The following BICRAL variants were observed in gnomAD, a reference collection of about 807,000 sequenced individuals.
BICRAL encodes the protein BICRA like chromatin remodeling complex associated protein, also known as BRD4-interacting chromatin-remodeling complex-associated protein-like.
BICRAL carries 8 observed loss-of-function variants against 91.8 expected under a neutral mutation model. The observed-to-expected ratio is 0.09, with a 90% CI of 0.05 to 0.16. The LOEUF is 0.16. Among genes scored for constraint, BICRAL ranks in the 10% least tolerant of loss-of-function variants. BICRAL has a pLI of 1.00. For synonymous variants in BICRAL, 445 were observed against 491.1 expected (o/e 0.91, Z 1.24); for missense variants, 1,038 against 1,310.9 (o/e 0.79, Z 3.21).
upstream of BICRAL, among the ~76,000 whole-genome samples, chr6:42,746,715 C>T (rs1241368846): frequency 2.0e-5 from 3 of 151,284 alleles, no homozygotes; most frequent in African/African-American, 7.3e-5. Flanking sequence ...ATCCTTACCG[C>T]CCCCCTCCCC....
intron 2 of BICRAL, among the ~76,000 whole-genome samples, chr6:42,814,385 A>G (rs1321331986): frequency 1.8e-4 from 26 of 146,018 alleles, no homozygotes; most frequent in African/African-American, 6.5e-4. Flanking sequence ...GTATATATAT[A>G]AATTATATAT....
chr6:42,848,764 C>T (rs1225590350), intron 6 of BICRAL, among the ~76,000 whole-genome samples: 1 of 152,154 alleles, frequency 6.6e-6, no homozygotes, highest in African/African-American at 2.4e-5. Context: ...TCCCTTGAGC[C>T]CAGGATGCAG....
intron 2 of BICRAL, among the ~76,000 whole-genome samples, chr6:42,820,351 T>TA (rs1764104219): frequency 6.6e-6 from 1 of 152,222 alleles, no homozygotes; most frequent in Non-Finnish European, 1.5e-5. Context: ...GCGGTCATGT[T>TA]AAAAAAGTAA....
chr6:42,750,213 T>C (rs1762354689), intron 1 of BICRAL, among the ~76,000 whole-genome samples: 1 of 151,844 alleles, frequency 6.6e-6, no homozygotes, highest in Non-Finnish European at 1.5e-5. Flanking sequence ...TAGGCTAAAG[T>C]GCAGTGGTGC....
chr6:42,782,508 G>T (rs1450794258), intron 1 of BICRAL, among the ~76,000 whole-genome samples: 1 of 150,604 alleles, frequency 6.6e-6, no homozygotes. Flanking sequence ...AGGGGGCGGC[G>T]AGGCCGGGCC....
At chr6:42,773,270 G>T (rs545641341) in intron 1 of BICRAL, among the ~76,000 whole-genome samples, 11 of 152,016 alleles carry the variant, frequency 7.2e-5, no homozygotes, top group Non-Finnish European at 1.5e-4. Context: ...TAGAGACAAG[G>T]TTTCGCCATT....
chr6:42,797,334 C>G (rs1763443464), intron 1 of BICRAL, among the ~76,000 whole-genome samples: 1 of 151,922 alleles, frequency 6.6e-6, no homozygotes, highest in Admixed American at 6.6e-5. Context: ...ACCTTGCGAT[C>G]AGTTTGTGAA....
Position 42,866,825 on chromosome 6 carries a change from C to T in BICRAL, c.*1379C>T, listed in dbSNP as rs1274306690. The stretch of plus-strand genomic sequence containing the variant: ...ATACCTGCCCCAGGTTATCCCATTT[C>T]TGTTGTTACCTTTATTCTTAATGTC... On this transcript the variant is annotated 3_prime_UTR_variant, in exon 13 of 13. Transcript: ENST00000314073. The T allele has an allele frequency of 8.8e-6, 4 of 456,448 alleles. No individual in the cohort carries two copies. Among genetic ancestry groups the T allele is most frequent in the South Asian group, 6.2e-5 (4 of 64,570 alleles). The allele number at this position is 456,448 out of a possible 1,614,324, so 28.3% of individuals were successfully genotyped here.
At position 42,787,689 on chromosome 6, in the gene BICRAL, G is replaced by C. The variant is rs138977533; in HGVS notation, c.-102+5588G>C. Among the ~76,000 whole-genome samples, 719 of 152,304 alleles carry C rather than the reference G, an allele frequency of 4.7e-3. 3 individuals carry two copies. The highest frequency in any genetic ancestry group is 0.017 in the Middle Eastern group (5 of 294). ...ATGCTGCTGAGAAGTTACACAATGA[G>C]AATAGAGAAATGTCTATTTGGATTT... is the stretch of plus-strand genomic sequence containing the variant. On this transcript the variant is annotated intron_variant, in intron 1 of 12. Transcript: ENST00000314073.
intron 1 of BICRAL, among the ~76,000 whole-genome samples, chr6:42,783,272 G>A (rs938572518): frequency 1.6e-4 from 25 of 151,986 alleles, no homozygotes; most frequent in Non-Finnish European, 2.9e-4. Context: ...CCGCGCGGAG[G>A]ACCGGCGGCC....
In BICRAL at chr6:42,828,995, A is replaced by G. The variant is rs1764386813; in HGVS notation, c.662A>G (p.Asn221Ser). 6.2e-7 allele frequency: 1 copy of G among 1,613,586 alleles called. No individual in the cohort carries two copies. The highest frequency in any genetic ancestry group is 1.3e-5 in the African/African-American group (1 of 74,892). ...GQIQLIGSFG[N>S]HPSMMTINNL... ...ATACAGTTAATTGGGTCATTTGGTAATCATCCTTCCATGATGACTATTAAT... is the reference window on the plus strand; with the variant it reads ...ATACAGTTAATTGGGTCATTTGGTAGTCATCCTTCCATGATGACTATTAAT... The change falls in exon 6 of 13, where the codon AAT (asparagine) becomes AGT (serine). Residue 221 changes from asparagine to serine, a missense_variant. By Grantham distance (46) the Asn-to-Ser change is conservative (BLOSUM62 1). Transcript: ENST00000314073.
chr6:42,868,516 A>AT lies in BICRAL; in HGVS notation c.*3072dup, dbSNP rs1765775703. The stretch of plus-strand genomic sequence containing the variant: ...GGAAATGTTTAGTTGGAGATTACAA[A>AT]TTGAAACAACCATTGCAATACAGCC... On this transcript the variant is annotated 3_prime_UTR_variant, in exon 13 of 13. Coordinates refer to ENST00000314073, the MANE Select transcript of BICRAL (RefSeq NM_001393499.1). 1 of 152,764 alleles carries AT rather than the reference A, an allele frequency of 6.5e-6. No individual in the cohort carries two copies. The highest frequency in any genetic ancestry group is 2.1e-4 in the South Asian group (1 of 4,834). 9.5% of individuals were successfully genotyped at this position (152,764 alleles called of 1,614,324 possible). A position where few individuals can be genotyped will look rare whatever the true frequency, so the allele number is the denominator to read the frequency against.
intron 5 of BICRAL, among the ~76,000 whole-genome samples, chr6:42,827,532 A>G (rs1339787890): frequency 2.0e-5 from 3 of 152,236 alleles, no homozygotes; most frequent in African/African-American, 7.2e-5. Flanking sequence ...GCTTCATTCA[A>G]TATGTATTTA....
chr6:42,751,834 T>G (rs904413396), intron 1 of BICRAL, among the ~76,000 whole-genome samples: 1 of 151,990 alleles, frequency 6.6e-6, no homozygotes, highest in South Asian at 2.1e-4. Flanking sequence ...ATTTTGTATT[T>G]TTAGTAGAGA....
At chr6:42,855,990 A>G (rs894266871) in intron 9 of BICRAL, 73 bp downstream of exon 9, 1 of 1,170,902 alleles carries the variant, frequency 8.5e-7, no homozygotes, top group Non-Finnish European at 1.3e-6. Flanking sequence ...TAAATATACC[A>G]CAGAAAACAG....
chr6:42,810,691 A>G (rs1026338172), intron 2 of BICRAL, among the ~76,000 whole-genome samples: 4 of 152,228 alleles, frequency 2.6e-5, no homozygotes, highest in African/African-American at 7.2e-5. Flanking sequence ...GTTCTACAAA[A>G]TGTGAAGGAT....
intron 1 of BICRAL, among the ~76,000 whole-genome samples, chr6:42,799,093 C>G (rs6937958): frequency 0.47 from 71,912 of 151,926 alleles, 18,664 homozygotes; most frequent in African/African-American, 0.69. Flanking sequence ...ATGTATTAGA[C>G]ACAAGGTCTC....
intron 6 of BICRAL, among the ~76,000 whole-genome samples, chr6:42,839,987 T>G (rs923284463): frequency 6.6e-6 from 1 of 152,192 alleles, no homozygotes; most frequent in African/African-American, 2.4e-5. Flanking sequence ...TGTAAGTGGA[T>G]TAAAATTCAA....
chr6:42,842,775 T>G (rs971228721), intron 6 of BICRAL, among the ~76,000 whole-genome samples: 1 of 152,188 alleles, frequency 6.6e-6, no homozygotes, highest in Non-Finnish European at 1.5e-5. Flanking sequence ...CAAACAGTAT[T>G]TGAGTACCTA....
Sources: gnomAD v4.1 joint callset for allele counts (sites outside exome capture counted in the v4.1 genomes callset) on GRCh38, gnomAD v4.1.1 for gene constraint, MANE v1.5 for transcripts, NCBI Gene and HGNC (gene_info 2026-07-23, HGNC 2026-07-21) for gene names.